RIC1: variants seen among roughly 807,000 people sequenced by gnomAD.
RIC1 encodes the protein RIC1 partner of RAB6A GEF complex.
Under a neutral mutation model 169.0 loss-of-function variants are expected in RIC1, and 88 were observed. The observed-to-expected ratio is 0.52, with a 90% confidence interval of 0.44 to 0.62. The LOEUF is 0.62. Among genes scored for constraint, RIC1 ranks in the 20% least tolerant of loss-of-function variants. The pLI is 0.00. For missense variants in RIC1, 1,877 were observed against 1,725.5 expected, an observed-to-expected ratio of 1.09 and a Z score of -1.56; for synonymous variants, 790 against 601.5, an observed-to-expected ratio of 1.31 and a Z score of -4.59.
intron 9 of RIC1, 147 bp downstream of exon 9, chr9:5,743,160 C>T (rs964518367): frequency 4.5e-6 from 3 of 668,840 alleles, no homozygotes; most frequent in Non-Finnish European, 7.5e-6. Flanking sequence ...TTCGAATATA[C>T]TGATTCTCTG....
intron 2 of RIC1, among the ~76,000 whole-genome samples, chr9:5,681,512 T>G (rs1820837900): frequency 6.6e-6 from 1 of 152,246 alleles, no homozygotes. Flanking sequence ...GACAGACAGT[T>G]TGTTATAATT....
intron 6 of RIC1, among the ~76,000 whole-genome samples, chr9:5,728,191 C>T (rs1223470463): frequency 6.6e-5 from 10 of 152,348 alleles, no homozygotes; most frequent in Non-Finnish European, 1.2e-4. Flanking sequence ...GTGGGCTCCA[C>T]CCACTTGGAG....
chr9:5,653,608 CTTTT>C (rs1183386016), intron 1 of RIC1, among the ~76,000 whole-genome samples: 1 of 151,164 alleles, frequency 6.6e-6, no homozygotes, highest in Non-Finnish European at 1.5e-5. Flanking sequence ...TTCTTTCTTT[CTTTT>C]TTTGAGACGG....
chr9:5,635,318 CCTT>C (rs1817919722), intron 1 of RIC1, among the ~76,000 whole-genome samples: 1 of 152,132 alleles, frequency 6.6e-6, no homozygotes, highest in African/African-American at 2.4e-5. Context: ...CATTAACCAT[CCTT>C]CCTTCCCCCT....
At chr9:5,673,209 A>G (rs1321202746) in intron 2 of RIC1, among the ~76,000 whole-genome samples, 1 of 152,074 alleles carries the variant, frequency 6.6e-6, no homozygotes, top group Non-Finnish European at 1.5e-5. Flanking sequence ...ATTAATAAAA[A>G]CTTCCTATGG....
At chr9:5,654,009 TA>T (rs753131578) in intron 1 of RIC1, among the ~76,000 whole-genome samples, 48 of 152,204 alleles carry the variant, frequency 3.2e-4, no homozygotes, top group Non-Finnish European at 6.6e-4. Flanking sequence ...TTACATTTTT[TA>T]TGTTTTTGAG....
intron 3 of RIC1, among the ~76,000 whole-genome samples, chr9:5,706,241 C>T (rs567988799): frequency 2.0e-5 from 3 of 152,110 alleles, no homozygotes; most frequent in Non-Finnish European, 2.9e-5. Context: ...GGGCAGATCA[C>T]GAGGTCAGGA....
chr9:5,711,856 G>C (rs1368361255), intron 3 of RIC1, among the ~76,000 whole-genome samples: 1 of 152,140 alleles, frequency 6.6e-6, no homozygotes, highest in Non-Finnish European at 1.5e-5. Context: ...ACAGTTTGCT[G>C]AGAATGATGG....
intron 3 of RIC1, among the ~76,000 whole-genome samples, chr9:5,695,263 C>A (rs1475512037): frequency 6.6e-6 from 1 of 152,058 alleles, no homozygotes; most frequent in Non-Finnish European, 1.5e-5. Context: ...ATTTTAGGTC[C>A]TATAATAATT....
At chr9:5,643,617 C>T (rs1425129353) in intron 1 of RIC1, among the ~76,000 whole-genome samples, 1 of 151,988 alleles carries the variant, frequency 6.6e-6, no homozygotes, top group Non-Finnish European at 1.5e-5. Flanking sequence ...AAACTAGCAC[C>T]TCATTTAGAT....
intron 12 of RIC1, among the ~76,000 whole-genome samples, chr9:5,748,301 T>C (rs1825510272): frequency 6.6e-6 from 1 of 152,186 alleles, no homozygotes; most frequent in Non-Finnish European, 1.5e-5. Flanking sequence ...ACTTTGACTC[T>C]CTATATGTTT....
At position 5,776,286 on chromosome 9, in the gene RIC1, T is replaced by C. The variant is rs1379992011; in HGVS notation, c.*2040T>C. ...AGAAAATTTGGTAATTTATTTGTTA[T>C]ATACCTTAATTTTTAAAAACCCATT... is the stretch of plus-strand genomic sequence containing the variant. On this transcript the variant is annotated 3_prime_UTR_variant, in exon 26 of 26. Transcript: ENST00000414202. 2 of 152,212 alleles carry C rather than the reference T, an allele frequency of 1.3e-5. No homozygotes were observed. The highest frequency in any genetic ancestry group is 2.4e-5 in the African/African-American group (1 of 41,476). 9.4% of individuals were successfully genotyped at this position (152,212 alleles called of 1,614,324 possible).
intron 7 of RIC1, among the ~76,000 whole-genome samples, chr9:5,736,402 GAC>G (rs1350174098): frequency 6.6e-6 from 1 of 152,170 alleles, no homozygotes; most frequent in African/African-American, 2.4e-5. Context: ...GGTAACAAGG[GAC>G]AGTGATTTCT....
chr9:5,725,634 CTTTT>C (rs1274434462), intron 6 of RIC1, among the ~76,000 whole-genome samples: 1 of 152,022 alleles, frequency 6.6e-6, no homozygotes, highest in African/African-American at 2.4e-5. Context: ...TTCTCTAGTT[CTTTT>C]AATTGTGATG....
At chr9:5,641,246 C>T (rs573121502) in intron 1 of RIC1, among the ~76,000 whole-genome samples, 26 of 152,054 alleles carry the variant, frequency 1.7e-4, no homozygotes, top group African/African-American at 6.0e-4. Flanking sequence ...CGCCCACCAC[C>T]ACACCCGGCT....
intron 1 of RIC1, among the ~76,000 whole-genome samples, chr9:5,651,639 C>G (rs905910449): frequency 1.4e-5 from 2 of 145,838 alleles, no homozygotes; most frequent in Non-Finnish European, 3.0e-5. Flanking sequence ...TCTCAGCTCA[C>G]TTCAACCTCC....
chr9:5,737,802 T>C (rs770760164), intron 7 of RIC1, among the ~76,000 whole-genome samples: 19 of 150,772 alleles, frequency 1.3e-4, no homozygotes, highest in Admixed American at 2.6e-4. Flanking sequence ...TATATATTAA[T>C]ATTATATATT....
chr9:5,698,678 G>C (rs1005578184), intron 3 of RIC1, among the ~76,000 whole-genome samples: 2 of 152,124 alleles, frequency 1.3e-5, no homozygotes, highest in African/African-American at 4.8e-5. Context: ...TTCAGATTCT[G>C]CTTTTTCCCA....
intron 1 of RIC1, among the ~76,000 whole-genome samples, chr9:5,641,018 G>A (rs1371980225): frequency 6.6e-6 from 1 of 150,522 alleles, no homozygotes; most frequent in Admixed American, 6.6e-5. Flanking sequence ...TTCTCTTGCC[G>A]TTTTTAGGAT....
Sources: gnomAD v4.1 joint callset for allele counts (sites outside exome capture counted in the v4.1 genomes callset) on GRCh38, gnomAD v4.1.1 for gene constraint, MANE v1.5 for transcripts, NCBI Gene and HGNC (gene_info 2026-07-23, HGNC 2026-07-21) for gene names.